The following SYNE1 variants were observed in gnomAD, a reference collection of about 807,000 sequenced individuals.
SYNE1 encodes spectrin repeat containing nuclear envelope protein 1.
SYNE1 carries 616 observed loss-of-function variants against 1,111.0 expected under a neutral mutation model. The ratio of observed to expected loss-of-function variants is 0.55; its 90% CI spans 0.52 to 0.59. The LOEUF is 0.59. Among genes scored for constraint, SYNE1 ranks in the 20% least tolerant of loss-of-function variants. SYNE1 has a pLI of 0.00. For missense variants in SYNE1, 10,006 were observed against 10,417.0 expected, an observed-to-expected ratio of 0.96 and a Z score of 1.72; for synonymous variants, 3,855 against 3,825.8, an observed-to-expected ratio of 1.01 and a Z score of -0.28.
At chr6:152,379,165 AACGTT>A (rs1036951108) in intron 56 of SYNE1, among the ~76,000 whole-genome samples, 1 of 152,184 alleles carries the variant, frequency 6.6e-6, no homozygotes, top group Non-Finnish European at 1.5e-5. Flanking sequence ...TTTTGACCAA[AACGTT>A]ACATTTAAAA....
chr6:152,252,287 A>T (rs1208051732), intron 104 of SYNE1, among the ~76,000 whole-genome samples: 1 of 151,772 alleles, frequency 6.6e-6, no homozygotes, highest in African/African-American at 2.4e-5. Context: ...AATAAATTAA[A>T]TAAATAAATA....
chr6:152,158,630 TA>T (rs943350083), intron 131 of SYNE1, among the ~76,000 whole-genome samples: 1 of 152,320 alleles, frequency 6.6e-6, no homozygotes, highest in South Asian at 2.1e-4. Flanking sequence ...ATTGCTGTTC[TA>T]AAAAATATAA....
chr6:152,495,585 TC>T (rs970930582), intron 11 of SYNE1, among the ~76,000 whole-genome samples: 53 of 152,226 alleles, frequency 3.5e-4, no homozygotes, highest in African/African-American at 1.2e-3. Flanking sequence ...AATCACCTGC[TC>T]CACCCTGACT....
chr6:152,459,269 A>C lies in SYNE1; in HGVS notation c.2395-339T>G, dbSNP rs577464279. On this transcript the variant is annotated intron_variant, in intron 21 of 145. Coordinates refer to ENST00000367255, the MANE Select transcript of SYNE1 (RefSeq NM_182961.4). ...TTCATAAACCATGCAACTCATTTTC[A>C]CTTTGGCCTTGAAATCTGACCTAAG... Among the ~76,000 whole-genome samples, 99 of 152,300 alleles carry C rather than the reference A, an allele frequency of 6.5e-4. 1 individual carries two copies. Among genetic ancestry groups the C allele is most frequent in the African/African-American group, 2.3e-3 (97 of 41,572 alleles).
chr6:152,448,547 T>C (rs2098614973), intron 28 of SYNE1, among the ~76,000 whole-genome samples: 2 of 152,062 alleles, frequency 1.3e-5, no homozygotes, highest in Admixed American at 1.3e-4. Context: ...ATAATTTAAT[T>C]GAAAAAGAAA....
intron 73 of SYNE1, among the ~76,000 whole-genome samples, chr6:152,346,667 A>G (rs9478319): frequency 0.6 from 90,757 of 151,512 alleles, 27,393 homozygotes; most frequent in East Asian, 0.64. Flanking sequence ...AAAATTAGCC[A>G]GGCGTGGTGG....
chr6:152,542,326 A>G (rs942023714), intron 3 of SYNE1, among the ~76,000 whole-genome samples: 2 of 152,184 alleles, frequency 1.3e-5, no homozygotes, highest in African/African-American at 4.8e-5. Context: ...TCTATCTATA[A>G]AATTGACAGA....
In SYNE1 at chr6:152,390,518, G is replaced by T. The variant is rs1263941355; in HGVS notation, c.8005-66C>A. The T allele has an allele frequency of 2.6e-6, 4 of 1,538,668 alleles. No individual in the cohort carries two copies. In the African/African-American group the frequency reaches 4.1e-5, roughly 16 times the overall value. On this transcript the variant is annotated intron_variant, in intron 52 of 145. Coordinates refer to ENST00000367255, the MANE Select transcript of SYNE1 (RefSeq NM_182961.4). ...AACCTTCTTCTATTTTAAAAAAATGGTAGTTTTCCATAAGAATTGAAGTAG... is the reference window on the plus strand; with the variant it reads ...AACCTTCTTCTATTTTAAAAAAATGTTAGTTTTCCATAAGAATTGAAGTAG...
In SYNE1 at chr6:152,262,114, A is replaced by G; in HGVS notation, c.18890T>C (p.Met6297Thr). ...TTCTTGATGTAGGCTTTCCCATTTC[A>G]TTCTCATCTGGTCTTCAGCGGATGA... ...EKSSAEDQMR[M>T]KWESLHQEFS... Residue 6297 changes from methionine (M) to threonine (T), a missense_variant, in exon 101 of 146, where the codon ATG becomes ACG. Met to Thr is a moderately conservative substitution (Grantham distance 81). Transcript: ENST00000367255. 1 of 1,613,850 alleles carries G rather than the reference A, an allele frequency of 6.2e-7. No homozygotes were observed. The highest frequency in any genetic ancestry group is 8.5e-7 in the Non-Finnish European group (1 of 1,179,928).
chr6:152,197,810 A>G (rs2074484725), intron 127 of SYNE1, among the ~76,000 whole-genome samples: 1 of 152,204 alleles, frequency 6.6e-6, no homozygotes, highest in Non-Finnish European at 1.5e-5. Flanking sequence ...GGATTTCCAG[A>G]ATGTTAAATG....
At chr6:152,631,429 C>T (rs2099697855) in intron 2 of SYNE1, among the ~76,000 whole-genome samples, 1 of 152,124 alleles carries the variant, frequency 6.6e-6, no homozygotes, top group African/African-American at 2.4e-5. Flanking sequence ...GCCCTGAGTG[C>T]TATGCTCAGA....
At chr6:152,241,500 C>CTGCGTGTGTGTGTG (rs1278015796) in intron 107 of SYNE1, among the ~76,000 whole-genome samples, 2 of 74,176 alleles carry the variant, frequency 2.7e-5, no homozygotes, top group African/African-American at 7.3e-5. Context: ...AATGCAAGAG[C>CTGCGTGTGTGTGTG]TGTGTGTGTG....
intron 78 of SYNE1, among the ~76,000 whole-genome samples, chr6:152,328,802 C>A (rs1328254959): frequency 6.6e-6 from 1 of 152,184 alleles, no homozygotes; most frequent in Non-Finnish European, 1.5e-5. Context: ...GCTCCCATTT[C>A]TTTTTGTTAT....
At chr6:152,295,161 C>A (rs987325069) in intron 93 of SYNE1, among the ~76,000 whole-genome samples, 1 of 152,192 alleles carries the variant, frequency 6.6e-6, no homozygotes, top group Non-Finnish European at 1.5e-5. Flanking sequence ...GAGCAAATAA[C>A]TTATATCTTG....
In SYNE1 at chr6:152,346,933, C is replaced by T. The variant is rs942254144; in HGVS notation, c.12078+126G>A. ...ACTGTGAAATTTATCCTCGTATTTC[C>T]TGTCTGGCAACACACCAAAACGAAT... On this transcript the variant is annotated intron_variant, in intron 73 of 145. Transcript: ENST00000367255. 18 of 1,122,964 alleles carry T rather than the reference C, an allele frequency of 1.6e-5. No homozygotes were observed. In the Admixed American group the frequency reaches 4.5e-4, roughly 28 times the overall value. 69.6% of individuals were successfully genotyped at this position (1,122,964 alleles called of 1,614,324 possible). A position where few individuals can be genotyped will look rare whatever the true frequency, so the allele number is the denominator to read the frequency against.
chr6:152,289,912 T>C (rs9397094), intron 95 of SYNE1, among the ~76,000 whole-genome samples: 24,925 of 147,876 alleles, frequency 0.17, 2,508 homozygotes, highest in East Asian at 0.51. Flanking sequence ...AGGCATGAGC[T>C]ACCGCGCCCA....
At chr6:152,256,792 G>A (rs1260112329) in intron 101 of SYNE1, 27 bp from the exon 102 acceptor site, 12 of 1,611,722 alleles carry the variant, frequency 7.4e-6, no homozygotes, top group Non-Finnish European at 8.5e-6. Flanking sequence ...GCAGCTTGTT[G>A]AAGAGCATAT....
chr6:152,233,042 G>A (rs910855274), intron 112 of SYNE1, among the ~76,000 whole-genome samples: 1 of 152,210 alleles, frequency 6.6e-6, no homozygotes, highest in Admixed American at 6.5e-5. Flanking sequence ...AATGTTCTGG[G>A]ATTTCAGGGG....
chr6:152,427,573 A>C, intron 38 of SYNE1, 120 bp downstream of exon 38: 1 of 1,234,174 alleles, frequency 8.1e-7, no homozygotes, highest in Non-Finnish European at 1.2e-6. Context: ...ATGATGCTTC[A>C]GGAATCACAA....
Sources: gnomAD v4.1 joint callset for allele counts (sites outside exome capture counted in the v4.1 genomes callset) on GRCh38, gnomAD v4.1.1 for gene constraint, MANE v1.5 for transcripts, NCBI Gene and HGNC (gene_info 2026-07-23, HGNC 2026-07-21) for gene names.